GIPR: variants seen among roughly 807,000 people sequenced by gnomAD.
GIPR encodes the protein gastric inhibitory polypeptide receptor, also known as GIP-R.
Under a neutral mutation model 62.2 loss-of-function variants are expected in GIPR, and 74 were observed. The ratio of observed to expected loss-of-function variants is 1.19; its 90% CI spans 0.99 to 1.44. The LOEUF (loss-of-function observed/expected upper bound fraction) is 1.44, where lower values mean the gene tolerates loss of function less well. Ranked by LOEUF, GIPR falls within the 40% of genes most tolerant of loss-of-function variation. GIPR has a pLI of 0.00. For missense variants in GIPR, 664 were observed against 611.8 expected (o/e 1.09, Z -0.90); for synonymous variants, 256 against 262.2 (o/e 0.98, Z 0.23).
At chr19:45,680,587 T>C (rs1406355644) in intron 12 of GIPR, among the ~76,000 whole-genome samples, 1 of 151,540 alleles carries the variant, frequency 6.6e-6, no homozygotes, top group African/African-American at 2.4e-5. Context: ...CCTAGCACTT[T>C]GGGAGGCTGA....
chr19:45,676,583 G>A (rs1444821080), intron 7 of GIPR, among the ~76,000 whole-genome samples: 2 of 151,768 alleles, frequency 1.3e-5, no homozygotes, highest in African/African-American at 2.4e-5. Flanking sequence ...ACAGGCGCCT[G>A]CCACCACACC....
intron 2 of GIPR, 127 bp downstream of exon 2, chr19:45,669,719 G>A: frequency 1.5e-6 from 2 of 1,308,506 alleles, no homozygotes; most frequent in Non-Finnish European, 2.1e-6. Context: ...GCCGAAGCGG[G>A]TGGATCACTT....
chr19:45,677,109 G>A lies in GIPR; in HGVS notation c.793+1G>A, dbSNP rs768273981. ...CGCTACTACCTGCTCCTCGGCTGGG[G>A]TGAGCTCCGATCCCGTCCCCCGCCC... On this transcript the variant is annotated splice_donor_variant, in intron 8 of 13. Coordinates refer to ENST00000590918, the MANE Select transcript of GIPR (RefSeq NM_000164.4). LOFTEE classifies it high-confidence loss of function. 3 of 1,613,180 alleles carry A rather than the reference G, an allele frequency of 1.9e-6. No individual in the cohort carries two copies. Among genetic ancestry groups the A allele is most frequent in the South Asian group, 1.1e-5 (1 of 91,068 alleles).
At position 45,674,526 on chromosome 19, in the gene GIPR, G is replaced by A. The variant is rs1016215201; in HGVS notation, c.489-156G>A. 1.3e-5 allele frequency: 9 copies of A among 705,574 alleles called. No individual in the cohort carries two copies. In the African/African-American group the frequency reaches 1.6e-4, roughly 12 times the overall value. 43.7% of individuals were successfully genotyped at this position (705,574 alleles called of 1,614,324 possible). A position where few individuals can be genotyped will look rare whatever the true frequency, so the allele number is the denominator to read the frequency against. ...GGGCGCTGAGACAGGAGGATTGCTT[G>A]AGCTCAGGAGGTTGAGGCTGCAGTG... On this transcript the variant is annotated intron_variant, in intron 6 of 13. Coordinates refer to ENST00000590918, the MANE Select transcript of GIPR (RefSeq NM_000164.4).
At chr19:45,677,670 A>G in intron 9 of GIPR, 40 bp from the exon 10 acceptor site, 5 of 1,512,024 alleles carry the variant, frequency 3.3e-6, no homozygotes, top group Non-Finnish European at 4.6e-6. Context: ...CGGTGAGTCT[A>G]GAGTTTTTCT....
Position 45,677,946 on chromosome 19 carries a change from T to G in GIPR, c.965T>G (p.Leu322Arg). 1 of 1,614,028 alleles carries G rather than the reference T, an allele frequency of 6.2e-7. No homozygotes were observed. Among genetic ancestry groups the G allele is most frequent in the Non-Finnish European group, 8.5e-7 (1 of 1,180,006 alleles). Residue 322 changes from leucine (L) to arginine (R), a missense_variant, in exon 11 of 14, where the codon CTG (leucine) becomes CGG (arginine). Physicochemically the swap from Leu to Arg is moderately radical, Grantham distance 102. Coordinates refer to ENST00000590918, the MANE Select transcript of GIPR (RefSeq NM_000164.4). ...TTTATCCGCATTCTTGGCATTCTCC[T>G]GTCCAAGCTGAGGACACGGCAAATG... Reference protein sequence around the residue: ...LIFIRILGILLSKLRTRQMRC... With the variant: ...LIFIRILGILRSKLRTRQMRC...
In GIPR at chr19:45,672,881, G is replaced by A. The variant is rs553327970; in HGVS notation, c.311G>A (p.Gly104Asp). 2.5e-6 allele frequency: 4 copies of A among 1,613,200 alleles called. No individual in the cohort carries two copies. Among genetic ancestry groups the A allele is most frequent in the Admixed American group, 3.3e-5 (2 of 60,004 alleles). The change falls in exon 5 of 14, where the codon GGC becomes GAC. Residue 104 changes from glycine to aspartate, a missense_variant. By Grantham distance (94) the Gly-to-Asp change is moderately conservative. Coordinates refer to ENST00000590918, the MANE Select transcript of GIPR (RefSeq NM_000164.4). ...GCAGGTTTCGTCCTCCGCCAGTGTG[G>A]CAGTGATGGCCAATGGGGACTTTGG... ...VAAGFVLRQC[G>D]SDGQWGLWRD...
intron 3 of GIPR, 60 bp from the exon 4 acceptor site, chr19:45,671,225 A>G (rs1355430220): frequency 5.2e-6 from 5 of 959,814 alleles, no homozygotes; most frequent in Non-Finnish European, 8.5e-6. Flanking sequence ...ACTGCGCAGT[A>G]GCACTTGGCC....
chr19:45,670,203 G>A (rs977529110), intron 2 of GIPR: 2 of 157,320 alleles, frequency 1.3e-5, no homozygotes, highest in Non-Finnish European at 2.8e-5. Context: ...GCTAATTTTT[G>A]GATTTTTAGT....
chr19:45,677,224 AC>A, intron 8 of GIPR, 98 bp from the exon 9 acceptor site: 1 of 1,299,294 alleles, frequency 7.7e-7, no homozygotes, highest in Middle Eastern at 2.7e-4. Flanking sequence ...TGCCTTCCCC[AC>A]CCCGACAGAG....
intron 12 of GIPR, among the ~76,000 whole-genome samples, chr19:45,680,136 C>A (rs1312680102): frequency 6.6e-6 from 1 of 152,088 alleles, no homozygotes. Context: ...TCTGTAATCT[C>A]AGCACTTTGG....
In GIPR at chr19:45,682,090, C is replaced by T. The variant is rs1967278502; in HGVS notation, c.*155C>T. ...TGACAACTGAGTGGGGAAAACAGAC[C>T]GTGAACACAAAACATCAAGTTCCAC... On this transcript the variant is annotated 3_prime_UTR_variant, in exon 14 of 14. Coordinates refer to ENST00000590918, the MANE Select transcript of GIPR (RefSeq NM_000164.4). The T allele has an allele frequency of 6.0e-6, 4 of 669,054 alleles. No homozygotes were observed. Among genetic ancestry groups the T allele is most frequent in the Non-Finnish European group, 1.1e-5 (4 of 374,458 alleles). The allele number at this position is 669,054 out of a possible 1,614,324, so 41.4% of individuals were successfully genotyped here. A position where few individuals can be genotyped will look rare whatever the true frequency, so the allele number is the denominator to read the frequency against.
rs146012706 is a variant in GIPR, at chr19:45,670,684, G to C, written c.122G>C (p.Arg41Pro). 7.4e-6 allele frequency: 12 copies of C among 1,613,158 alleles called. No individual in the cohort carries two copies. In the African/African-American group the frequency reaches 1.5e-4, roughly 20 times the overall value. Residue 41 changes from arginine to proline, a missense_variant, in exon 3 of 14, where the codon CGG (arginine) becomes CCG (proline). Coordinates refer to ENST00000590918, the MANE Select transcript of GIPR (RefSeq NM_000164.4). ...GGGGAGCTGTACCAGCGCTGGGAAC[G>C]GTACCGCAGGGAGTGCCAGGAGACC... The part of the protein sequence containing the change: ...TAGELYQRWE[R>P]YRRECQETLA...
intron 2 of GIPR, 27 bp from the exon 3 acceptor site, chr19:45,670,608 G>C: frequency 3.9e-6 from 6 of 1,543,900 alleles, no homozygotes; most frequent in Non-Finnish European, 5.4e-6. Flanking sequence ...TCGGTCTGGG[G>C]GGGTCCTCCC....
rs971887879 is a variant in GIPR, at chr19:45,675,131, G to A, written c.633+305G>A. ...CCAATGAGAGAATCCACCTGCTGGC[G>A]GTGAGGCATGGCAGGATACGAGAAA... On this transcript the variant is annotated intron_variant, in intron 7 of 13. Coordinates refer to ENST00000590918, the MANE Select transcript of GIPR (RefSeq NM_000164.4). 1.8e-4 allele frequency: 68 copies of A among 377,530 alleles called. 1 individual carries two copies. Among genetic ancestry groups the A allele is most frequent in the South Asian group, 1.1e-3 (45 of 41,134 alleles). The allele number at this position is 377,530 out of a possible 1,614,324, so 23.4% of individuals were successfully genotyped here. A position where few individuals can be genotyped will look rare whatever the true frequency, so the allele number is the denominator to read the frequency against.
At chr19:45,675,495 A>AG (rs1975794173) in intron 7 of GIPR, 1 of 146,894 alleles carries the variant, frequency 6.8e-6, no homozygotes, top group Non-Finnish European at 1.5e-5. Context: ...GAATTGCTTG[A>AG]ACCCAGGAGA....
Position 45,681,717 on chromosome 19 carries a change from A to T in GIPR, c.1195-12A>T, listed in dbSNP as rs759766980. The T allele has an allele frequency of 1.2e-6, 2 of 1,611,362 alleles. No homozygotes were observed. Among genetic ancestry groups the T allele is most frequent in the East Asian group, 4.5e-5 (2 of 44,830 alleles). On this transcript the variant is annotated splice_polypyrimidine_tract_variant and intron_variant, in intron 13 of 13. Coordinates refer to ENST00000590918, the MANE Select transcript of GIPR (RefSeq NM_000164.4). ...GGGTACGGCGCCGCCTCTGAGCGCC[A>T]TCGTCTCACAGGTGCAGTCGGAGAT...
chr19:45,672,526 C>T (rs760868381), intron 4 of GIPR: 2 of 353,342 alleles, frequency 5.7e-6, no homozygotes, highest in African/African-American at 2.1e-5. Context: ...AGGATGGTCT[C>T]GATCTCTTGA....
chr19:45,669,426 G>A, intron 1 of GIPR, 51 bp from the exon 2 acceptor site: 2 of 1,512,456 alleles, frequency 1.3e-6, no homozygotes, highest in Non-Finnish European at 1.8e-6. Context: ...GGGTGACGCT[G>A]GGGTTGGAGT....
Sources: gnomAD v4.1 joint callset for allele counts (sites outside exome capture counted in the v4.1 genomes callset) on GRCh38, gnomAD v4.1.1 for gene constraint, MANE v1.5 for transcripts, NCBI Gene and HGNC (gene_info 2026-07-23, HGNC 2026-07-21) for gene names.